Variants in PALM2AKAP2 observed in about 807,000 individuals in gnomAD.
PALM2AKAP2 encodes the protein PALM2 and AKAP2 fusion, also known as PALM2-AKAP2 fusion protein.
A neutral mutation model predicts 71.5 loss-of-function variants in PALM2AKAP2; 37 were observed. That is an observed-to-expected ratio of 0.52 (90% CI 0.40 to 0.68). PALM2AKAP2 has a LOEUF of 0.68. Among genes scored for constraint, PALM2AKAP2 ranks in the 30% least tolerant of loss-of-function variants. The pLI, the probability that PALM2AKAP2 is intolerant of heterozygous loss-of-function variation, is 0.00. For synonymous variants in PALM2AKAP2, 468 were observed against 478.8 expected, an observed-to-expected ratio of 0.98 and a Z score of 0.29; for missense variants, 1,224 against 1,191.8, an observed-to-expected ratio of 1.03 and a Z score of -0.40.
At chr9:109,895,052 G>A (rs1186996311) in intron 3 of PALM2AKAP2, among the ~76,000 whole-genome samples, 1 of 152,188 alleles carries the variant, frequency 6.6e-6, no homozygotes, top group East Asian at 1.9e-4. Context: ...CTGAGGCCGG[G>A]ACACACCACA....
intron 6 of PALM2AKAP2, among the ~76,000 whole-genome samples, chr9:109,975,356 C>T (rs757549011): frequency 5.3e-5 from 8 of 152,162 alleles, no homozygotes; most frequent in Non-Finnish European, 1.0e-4. Flanking sequence ...CCAGGTTAAG[C>T]GGAGAGAGAA....
intron 6 of PALM2AKAP2, among the ~76,000 whole-genome samples, chr9:109,985,779 A>T (rs1832365470): frequency 6.6e-6 from 1 of 151,476 alleles, no homozygotes; most frequent in Non-Finnish European, 1.5e-5. Context: ...CCACCTAAGT[A>T]GCTGGGATTA....
Position 109,868,385 on chromosome 9 carries a change from G to A in PALM2AKAP2, c.126+814G>A, listed in dbSNP as rs374336489. Among the ~76,000 whole-genome samples the A allele has an allele frequency of 3.9e-5, 6 of 152,302 alleles. No individual in the cohort carries two copies. The South Asian group carries it at 8.3e-4, about 21-fold the overall frequency. On this transcript the variant is annotated intron_variant, in intron 2 of 9. Coordinates refer to the PALM2AKAP2 transcript ENST00000302798. Reference sequence around the variant, plus strand: ...AATGGCCAGCCGGGAGTTGTTGCTTGCCTTTGACTGCTCCTGGGCTTTTTG... The same window carrying A: ...AATGGCCAGCCGGGAGTTGTTGCTTACCTTTGACTGCTCCTGGGCTTTTTG...
intron 7 of PALM2AKAP2, among the ~76,000 whole-genome samples, chr9:110,018,806 T>C (rs1833025154): frequency 6.6e-6 from 1 of 152,240 alleles, no homozygotes; most frequent in Non-Finnish European, 1.5e-5. Context: ...GGAGCAGTCA[T>C]TGACTTTTTT....
intron 1 of PALM2AKAP2, among the ~76,000 whole-genome samples, chr9:109,657,938 T>TTTTG (rs1554703802): frequency 7.0e-6 from 1 of 142,440 alleles, no homozygotes; most frequent in African/African-American, 2.6e-5. Context: ...TTGTGTGTGT[T>TTTTG]TGTGTGTGTG....
At chr9:109,789,941 C>A (rs1288673418) in intron 1 of PALM2AKAP2, among the ~76,000 whole-genome samples, 2 of 152,044 alleles carry the variant, frequency 1.3e-5, no homozygotes, top group Non-Finnish European at 2.9e-5. Flanking sequence ...AAGACTACAC[C>A]CTATTTACAT....
At chr9:110,095,174 C>T (rs1309019810) in intron 1 of PALM2AKAP2, among the ~76,000 whole-genome samples, 1 of 152,164 alleles carries the variant, frequency 6.6e-6, no homozygotes, top group African/African-American at 2.4e-5. Context: ...AGTTTAAGTG[C>T]AAAGCAGCAG....
chr9:109,854,332 A>G (rs528297158), intron 1 of PALM2AKAP2, among the ~76,000 whole-genome samples: 7 of 152,334 alleles, frequency 4.6e-5, no homozygotes, highest in Admixed American at 2.0e-4. Flanking sequence ...AAACATATCT[A>G]TTTAGGTTTA....
chr9:109,860,503 G>A (rs374621041), intron 1 of PALM2AKAP2, among the ~76,000 whole-genome samples: 31 of 152,260 alleles, frequency 2.0e-4, no homozygotes, highest in African/African-American at 7.2e-4. Flanking sequence ...AAGGAACACA[G>A]GCTAGTTGGC....
chr9:110,000,163 C>A (rs1185780666), intron 6 of PALM2AKAP2, among the ~76,000 whole-genome samples: 1 of 137,552 alleles, frequency 7.3e-6, no homozygotes, highest in East Asian at 2.4e-4. Flanking sequence ...CCTCCCCCCT[C>A]CCCCCACCAC....
intron 1 of PALM2AKAP2, among the ~76,000 whole-genome samples, chr9:109,834,241 T>C (rs968941036): frequency 2.0e-5 from 3 of 151,986 alleles, no homozygotes; most frequent in Non-Finnish European, 4.4e-5. Context: ...CAGAAAAGAA[T>C]GTCATTTGAC....
rs146278449 is a variant in PALM2AKAP2 at position 110,079,841 on chromosome 9, G to A, written c.156+30986G>A. On this transcript the variant is annotated intron_variant, in intron 1 of 3. Transcript: ENST00000374525. ...TCTCACCACTTTGGGAGGCCAAGGC[G>A]TGCAGAAAACCTGAGGTCAGGAGTT... 2.1e-3 allele frequency among the ~76,000 whole-genome samples: 322 copies of A among 152,160 alleles called. 2 individuals carry two copies. Among genetic ancestry groups the A allele is most frequent in the South Asian group, 0.013 (62 of 4,826 alleles).
intron 1 of PALM2AKAP2, among the ~76,000 whole-genome samples, chr9:109,857,350 T>G (rs1252409727): frequency 6.6e-6 from 1 of 152,242 alleles, no homozygotes; most frequent in Non-Finnish European, 1.5e-5. Flanking sequence ...GATTTCTATG[T>G]AAATGTCTTC....
intron 1 of PALM2AKAP2, among the ~76,000 whole-genome samples, chr9:110,059,429 T>C (rs1291835664): frequency 2.6e-5 from 4 of 152,240 alleles, no homozygotes; most frequent in Non-Finnish European, 5.9e-5. Context: ...ATAGTCATTT[T>C]CTACTACTTT....
intron 1 of PALM2AKAP2, among the ~76,000 whole-genome samples, chr9:109,747,520 A>G (rs1828820825): frequency 1.3e-5 from 2 of 152,218 alleles, no homozygotes; most frequent in African/African-American, 2.4e-5. Context: ...TCTTCTTGCC[A>G]GTCACTTGGA....
At chr9:110,123,640 T>C (rs1277945452) in intron 1 of PALM2AKAP2, among the ~76,000 whole-genome samples, 1 of 152,240 alleles carries the variant, frequency 6.6e-6, no homozygotes, top group Non-Finnish European at 1.5e-5. Context: ...CTCTGGCGTC[T>C]CTGAGACACC....
intron 4 of PALM2AKAP2, among the ~76,000 whole-genome samples, chr9:109,924,477 G>A (rs1830907777): frequency 6.6e-6 from 1 of 152,154 alleles, no homozygotes; most frequent in East Asian, 1.9e-4. Flanking sequence ...GCAGGCGCCT[G>A]TAATCCCAGC....
At chr9:109,774,200 AG>A (rs1383958762) in intron 1 of PALM2AKAP2, among the ~76,000 whole-genome samples, 1 of 152,230 alleles carries the variant, frequency 6.6e-6, no homozygotes, top group Non-Finnish European at 1.5e-5. Flanking sequence ...CATTGTGCTA[AG>A]GTAAACCAGA....
chr9:110,008,682 G>C (rs1314242866), intron 6 of PALM2AKAP2, among the ~76,000 whole-genome samples: 2 of 152,008 alleles, frequency 1.3e-5, no homozygotes, highest in African/African-American at 4.8e-5. Flanking sequence ...TCAAACAATA[G>C]CAGTTTAGTT....
Sources: allele counts gnomAD v4.1 joint callset (sites outside exome capture counted in the v4.1 genomes callset), GRCh38; gene constraint gnomAD v4.1.1; transcripts MANE v1.5; gene names NCBI Gene and HGNC (gene_info 2026-07-23, HGNC 2026-07-21).